The following ADGRL3 variants were observed in gnomAD, a reference collection of about 807,000 sequenced individuals.
The protein encoded by ADGRL3 is calcium-independent alpha-latrotoxin receptor 3.
Under a neutral mutation model 153.5 loss-of-function variants are expected in ADGRL3, and 62 were observed. The observed-to-expected ratio is 0.40, with a 90% confidence interval of 0.33 to 0.50. The LOEUF (loss-of-function observed/expected upper bound fraction) is 0.50. Ranked by LOEUF, ADGRL3 falls within the 20% of genes least tolerant of loss-of-function variation. ADGRL3 has a pLI of 0.47. For missense variants in ADGRL3, 1,641 were observed against 1,859.4 expected, an observed-to-expected ratio of 0.88 and a Z score of 2.16; for synonymous variants, 710 against 672.5, an observed-to-expected ratio of 1.06 and a Z score of -0.86.
chr4:61,829,336 T>C (rs2097845386), intron 9 of ADGRL3, among the ~76,000 whole-genome samples: 1 of 152,198 alleles, frequency 6.6e-6, no homozygotes, highest in Non-Finnish European at 1.5e-5. Flanking sequence ...TTTCTCCTAA[T>C]ACCAACCCCC....
intron 21 of ADGRL3, among the ~76,000 whole-genome samples, chr4:62,015,091 G>A (rs2099205384): frequency 6.6e-6 from 1 of 152,146 alleles, no homozygotes; most frequent in Non-Finnish European, 1.5e-5. Context: ...ATTAAAATGT[G>A]CAGACAGTAT....
intron 13 of ADGRL3, among the ~76,000 whole-genome samples, chr4:61,914,658 T>C (rs1223950263): frequency 6.6e-6 from 1 of 152,126 alleles, no homozygotes; most frequent in Non-Finnish European, 1.5e-5. Context: ...TAAAAACCAA[T>C]TTGTTCATTT....
intron 9 of ADGRL3, among the ~76,000 whole-genome samples, chr4:61,852,876 C>G (rs1388920398): frequency 6.6e-6 from 1 of 151,704 alleles, no homozygotes; most frequent in East Asian, 1.9e-4. Flanking sequence ...GTGTTTAGAG[C>G]ATGTTACTTT....
At chr4:61,522,766 G>A (rs2098538628) in intron 4 of ADGRL3, among the ~76,000 whole-genome samples, 2 of 152,200 alleles carry the variant, frequency 1.3e-5, no homozygotes, top group Admixed American at 6.5e-5. Context: ...TTAGTAGGAA[G>A]CACTTTTCTC....
At chr4:61,386,612 G>C (rs1325052847) in intron 2 of ADGRL3, among the ~76,000 whole-genome samples, 1 of 152,080 alleles carries the variant, frequency 6.6e-6, no homozygotes, top group Non-Finnish European at 1.5e-5. Flanking sequence ...TGCAGGGAAG[G>C]AATAAAGTCA....
intron 25 of ADGRL3, among the ~76,000 whole-genome samples, chr4:62,064,538 A>G (rs1372659782): frequency 3.3e-5 from 5 of 152,094 alleles, no homozygotes. Context: ...ACTTAAAATT[A>G]TATTTGAAAG....
intron 5 of ADGRL3, among the ~76,000 whole-genome samples, chr4:61,590,632 T>C (rs2098965621): frequency 6.6e-6 from 1 of 152,142 alleles, no homozygotes; most frequent in African/African-American, 2.4e-5. Flanking sequence ...ATGTATTTTT[T>C]GGCAGATGAG....
At chr4:61,699,180 G>A (rs1323698026) in intron 6 of ADGRL3, among the ~76,000 whole-genome samples, 2 of 151,928 alleles carry the variant, frequency 1.3e-5, no homozygotes, top group African/African-American at 2.4e-5. Context: ...ATGAGGTGAA[G>A]GAGAAAACTG....
chr4:61,247,661 G>A (rs1448046845), intron 1 of ADGRL3, among the ~76,000 whole-genome samples: 3 of 151,956 alleles, frequency 2.0e-5, no homozygotes, highest in South Asian at 4.1e-4. Context: ...ACTTGTGATA[G>A]CATTTACATT....
chr4:61,574,240 G>A (rs920598417), intron 4 of ADGRL3, among the ~76,000 whole-genome samples: 1 of 151,980 alleles, frequency 6.6e-6, no homozygotes, highest in East Asian at 1.9e-4. Flanking sequence ...AGCCATATGT[G>A]CATCTGTGTA....
chr4:61,214,011 T>C (rs1741427206), intron 1 of ADGRL3, among the ~76,000 whole-genome samples: 2 of 152,224 alleles, frequency 1.3e-5, no homozygotes, highest in Admixed American at 6.5e-5. Flanking sequence ...TTAAGAATTG[T>C]TAACTCTCAG....
intron 21 of ADGRL3, among the ~76,000 whole-genome samples, chr4:62,020,198 C>A (rs2099231601): frequency 6.6e-6 from 1 of 152,040 alleles, no homozygotes; most frequent in South Asian, 2.1e-4. Flanking sequence ...AAGAATATAA[C>A]AGAATTTCAC....
At chr4:61,701,150 G>C (rs1367457602) in intron 6 of ADGRL3, among the ~76,000 whole-genome samples, 1 of 152,144 alleles carries the variant, frequency 6.6e-6, no homozygotes, top group Non-Finnish European at 1.5e-5. Context: ...GTAAAATCTA[G>C]AGGACTGGAG....
intron 22 of ADGRL3, among the ~76,000 whole-genome samples, chr4:62,030,310 T>A (rs12509655): frequency 0.47 from 71,411 of 151,038 alleles, 17,040 homozygotes; most frequent in Middle Eastern, 0.55. Context: ...TCTTCCTAAG[T>A]CATTATAGTG....
chr4:61,982,507 G>A (rs921011780), intron 18 of ADGRL3, among the ~76,000 whole-genome samples: 1 of 152,088 alleles, frequency 6.6e-6, no homozygotes, highest in African/African-American at 2.4e-5. Context: ...GATAACTTCG[G>A]TAAGTTTGTT....
intron 9 of ADGRL3, among the ~76,000 whole-genome samples, chr4:61,841,817 A>C (rs2098036754): frequency 6.6e-6 from 1 of 152,148 alleles, no homozygotes; most frequent in African/African-American, 2.4e-5. Flanking sequence ...TGCTGTCTAG[A>C]CTTTACTCTT....
intron 17 of ADGRL3, among the ~76,000 whole-genome samples, chr4:61,974,745 T>G (rs2150729111): frequency 6.6e-6 from 1 of 152,316 alleles, no homozygotes; most frequent in Admixed American, 6.5e-5. Context: ...TTCCTCTTAT[T>G]TACATCTGTA....
At chr4:61,362,623 G>A (rs1178553337) in intron 1 of ADGRL3, among the ~76,000 whole-genome samples, 1 of 152,088 alleles carries the variant, frequency 6.6e-6, no homozygotes, top group Non-Finnish European at 1.5e-5. Flanking sequence ...ATATGAAAGA[G>A]ATAATAAATG....
chr4:61,624,187 T>C (rs556377948), intron 5 of ADGRL3, among the ~76,000 whole-genome samples: 1 of 152,198 alleles, frequency 6.6e-6, no homozygotes, highest in Admixed American at 6.5e-5. Flanking sequence ...ATGAATGGCA[T>C]AGTGAAAAGA....
Sources: allele counts gnomAD v4.1 joint callset (sites outside exome capture counted in the v4.1 genomes callset), GRCh38; gene constraint gnomAD v4.1.1; transcripts MANE v1.5; gene names NCBI Gene and HGNC (gene_info 2026-07-23, HGNC 2026-07-21).